TBC1D5: variants seen among roughly 807,000 people sequenced by gnomAD.
TBC1D5 encodes the protein TBC1 domain family, member 5.
In TBC1D5, 75 loss-of-function variants were observed where a neutral mutation model predicts 100.3. The observed-to-expected ratio is 0.75, with a 90% confidence interval of 0.62 to 0.91. The LOEUF (loss-of-function observed/expected upper bound fraction) is 0.91, where lower values mean the gene tolerates loss of function less well. Among genes scored for constraint, TBC1D5 ranks in the 40% least tolerant of loss-of-function variants. TBC1D5 has a pLI of 0.00. For missense variants in TBC1D5, 910 were observed against 942.4 expected, an observed-to-expected ratio of 0.97 and a Z score of 0.45; for synonymous variants, 323 against 325.6, an observed-to-expected ratio of 0.99 and a Z score of 0.09.
chr3:17,513,055 C>T (rs556881449), intron 2 of TBC1D5, among the ~76,000 whole-genome samples: 53 of 152,100 alleles, frequency 3.5e-4, no homozygotes, highest in African/African-American at 1.1e-3. Context: ...CAATACAGGC[C>T]GGGCATGGTG....
chr3:17,594,141 G>C (rs2060413493), intron 2 of TBC1D5, among the ~76,000 whole-genome samples: 1 of 152,168 alleles, frequency 6.6e-6, no homozygotes, highest in African/African-American at 2.4e-5. Flanking sequence ...TGGACACTTT[G>C]GGCACCTCCT....
At chr3:17,254,582 T>A (rs1332315743) in intron 16 of TBC1D5, among the ~76,000 whole-genome samples, 1 of 152,124 alleles carries the variant, frequency 6.6e-6, no homozygotes, top group Non-Finnish European at 1.5e-5. Flanking sequence ...CTTTATATAT[T>A]CGGGATATAT....
In TBC1D5 at chr3:17,402,594, C is replaced by T. The variant is rs141070330; in HGVS notation, c.509+587G>A. On this transcript the variant is annotated intron_variant, in intron 8 of 21. Transcript: ENST00000253692. ...CCACAATTACAGCATCCGTTAGTTACGACTCTATGATCTTCTGACACAAAT... is the reference window on the plus strand; with the variant it reads ...CCACAATTACAGCATCCGTTAGTTATGACTCTATGATCTTCTGACACAAAT... 1.2e-4 allele frequency among the ~76,000 whole-genome samples: 19 copies of T among 152,178 alleles called. No individual in the cohort carries two copies. In the East Asian group the frequency reaches 1.7e-3, roughly 14 times the overall value.
intron 2 of TBC1D5, among the ~76,000 whole-genome samples, chr3:17,553,586 C>T (rs1425953719): frequency 1.3e-5 from 2 of 152,184 alleles, no homozygotes; most frequent in African/African-American, 4.8e-5. Context: ...CTAACTTTGA[C>T]ACAAAGTCGT....
chr3:17,326,933 C>A (rs73145814), intron 13 of TBC1D5, among the ~76,000 whole-genome samples: 9,200 of 152,228 alleles, frequency 0.06, 542 homozygotes, highest in African/African-American at 0.15. Context: ...TTCTCTCATA[C>A]CCTACGTTTA....
At chr3:17,554,485 T>G in intron 2 of TBC1D5, among the ~76,000 whole-genome samples, 1 of 152,210 alleles carries the variant, frequency 6.6e-6, no homozygotes, top group Non-Finnish European at 1.5e-5. Context: ...AAGTTTTATC[T>G]AAGAGGCTTA....
At chr3:17,352,695 A>AAAAAAAC (rs1559699976) in intron 13 of TBC1D5, among the ~76,000 whole-genome samples, 2 of 150,794 alleles carry the variant, frequency 1.3e-5, no homozygotes, top group African/African-American at 2.4e-5. Context: ...AAAAAAAAAA[A>AAAAAAAC]AAAACAAAAA....
At chr3:17,571,630 G>A (rs530216193) in intron 2 of TBC1D5, among the ~76,000 whole-genome samples, 22 of 151,946 alleles carry the variant, frequency 1.4e-4, no homozygotes, top group African/African-American at 5.3e-4. Context: ...CTTTCTCTGT[G>A]TTAATCAAGT....
At chr3:17,570,285 C>G (rs1295086228) in intron 2 of TBC1D5, among the ~76,000 whole-genome samples, 1 of 151,930 alleles carries the variant, frequency 6.6e-6, no homozygotes, top group African/African-American at 2.4e-5. Flanking sequence ...TGTCAAATGC[C>G]TATCATTTCC....
intron 8 of TBC1D5, among the ~76,000 whole-genome samples, chr3:17,402,147 T>C (rs2093664928): frequency 6.6e-6 from 1 of 152,184 alleles, no homozygotes; most frequent in Non-Finnish European, 1.5e-5. Context: ...ATTATTTTCA[T>C]TTTAAAGAAA....
At chr3:17,680,235 CTT>C (rs879752875) in intron 1 of TBC1D5, among the ~76,000 whole-genome samples, 4 of 139,606 alleles carry the variant, frequency 2.9e-5, no homozygotes, top group South Asian at 2.2e-4. Flanking sequence ...TGTATATTCG[CTT>C]TTTTTTTTTT....
intron 2 of TBC1D5, among the ~76,000 whole-genome samples, chr3:17,594,513 C>T (rs2060438338): frequency 6.6e-6 from 1 of 152,224 alleles, no homozygotes; most frequent in African/African-American, 2.4e-5. Context: ...ATACCAGCTA[C>T]AGTGACCAGC....
At chr3:17,697,293 TAGGAAAAGAGGAA>T (rs1338601632) in intron 1 of TBC1D5, among the ~76,000 whole-genome samples, 2 of 152,150 alleles carry the variant, frequency 1.3e-5, no homozygotes, top group African/African-American at 4.8e-5. Flanking sequence ...GGTATTTAAT[TAGGAAAAGAGGAA>T]GTCAAATTGT....
intron 15 of TBC1D5, among the ~76,000 whole-genome samples, chr3:17,264,470 G>C (rs1377498859): frequency 1.3e-5 from 2 of 152,216 alleles, no homozygotes; most frequent in Non-Finnish European, 2.9e-5. Context: ...GAACTGAAAA[G>C]AGCAAAAGAA....
chr3:17,379,977 G>T (rs552781033), intron 9 of TBC1D5, among the ~76,000 whole-genome samples: 1 of 151,738 alleles, frequency 6.6e-6, no homozygotes, highest in South Asian at 2.1e-4. Context: ...GAAACTGCAG[G>T]TAAGGGCGAA....
At chr3:17,438,404 A>G (rs1001259691) in intron 3 of TBC1D5, among the ~76,000 whole-genome samples, 1 of 152,148 alleles carries the variant, frequency 6.6e-6, no homozygotes, top group African/African-American at 2.4e-5. Context: ...AATGGGAAGG[A>G]CCAGGTGGAG....
intron 16 of TBC1D5, among the ~76,000 whole-genome samples, chr3:17,247,496 T>C (rs545462168): frequency 6.6e-6 from 1 of 152,322 alleles, no homozygotes; most frequent in South Asian, 2.1e-4. Flanking sequence ...GAGCCTTTAG[T>C]GAGTCTTAAG....
intron 1 of TBC1D5, among the ~76,000 whole-genome samples, chr3:17,717,478 T>A (rs2075336524): frequency 6.6e-6 from 1 of 152,164 alleles, no homozygotes; most frequent in South Asian, 2.1e-4. Context: ...TTAATACACA[T>A]TTCTTACCAA....
intron 1 of TBC1D5, among the ~76,000 whole-genome samples, chr3:17,658,750 C>T (rs887001676): frequency 6.6e-6 from 1 of 152,132 alleles, no homozygotes; most frequent in Non-Finnish European, 1.5e-5. Context: ...TCAACCTCCG[C>T]CTTCCAGATT....
Sources: gnomAD v4.1 joint callset for allele counts (sites outside exome capture counted in the v4.1 genomes callset) on GRCh38, gnomAD v4.1.1 for gene constraint, MANE v1.5 for transcripts, NCBI Gene and HGNC (gene_info 2026-07-23, HGNC 2026-07-21) for gene names.